Variants in MRTFA observed in about 807,000 individuals in gnomAD.
MRTFA encodes myocardin-related transcription factor A.
A neutral mutation model predicts 83.5 loss-of-function variants in MRTFA; 20 were observed. The observed-to-expected ratio is 0.24, with a 90% CI of 0.17 to 0.35. The LOEUF is 0.35. MRTFA is among the 10% of genes least tolerant of loss of function. The pLI is 1.00. For missense variants in MRTFA, 1,200 were observed against 1,224.7 expected (o/e 0.98, Z 0.30); for synonymous variants, 659 against 541.2 (o/e 1.22, Z -3.02).
chr22:40,429,413 A>G (rs1297401756), intron 7 of MRTFA, 193 bp downstream of exon 7: 1 of 719,418 alleles, frequency 1.4e-6, no homozygotes, highest in Non-Finnish European at 2.6e-6. Flanking sequence ...TTCTTAAAGC[A>G]ACAGGCACTA....
In MRTFA at chr22:40,505,493, G is replaced by C. The variant is rs1749563486; in HGVS notation, c.242-42207C>G. On this transcript the variant is annotated intron_variant, in intron 3 of 14. Coordinates refer to ENST00000355630, the MANE Select transcript of MRTFA (RefSeq NM_020831.6). ...TAACTACTTAAAGTGCCCGATACAA[G>C]AGAAGTAGTCAATACATGGTAGCTA... 2.0e-5 allele frequency among the ~76,000 whole-genome samples: 3 copies of C among 152,330 alleles called. No individual in the cohort carries two copies. In the South Asian group the frequency reaches 6.2e-4, roughly 32 times the overall value.
At chr22:40,532,844 T>C (rs2055106025) in intron 3 of MRTFA, among the ~76,000 whole-genome samples, 1 of 152,174 alleles carries the variant, frequency 6.6e-6, no homozygotes, top group African/African-American at 2.4e-5. Flanking sequence ...AGATATGCTC[T>C]GAAACAAGAA....
intron 3 of MRTFA, among the ~76,000 whole-genome samples, chr22:40,499,848 G>A (rs576666539): frequency 6.7e-6 from 1 of 148,812 alleles, no homozygotes; most frequent in South Asian, 2.1e-4. Context: ...AACCAGGTGT[G>A]ACACTTCAGC....
At chr22:40,510,316 A>G (rs892721796) in intron 3 of MRTFA, among the ~76,000 whole-genome samples, 3 of 152,188 alleles carry the variant, frequency 2.0e-5, no homozygotes, top group Non-Finnish European at 4.4e-5. Flanking sequence ...AAACTAAAGG[A>G]AAGTACATTT....
At chr22:40,548,038 T>C (rs989316215) in intron 3 of MRTFA, among the ~76,000 whole-genome samples, 5 of 151,628 alleles carry the variant, frequency 3.3e-5, no homozygotes, top group African/African-American at 1.2e-4. Context: ...CCAATTACAA[T>C]ATAGGGTGAT....
At chr22:40,586,665 A>G (rs775856420) in intron 2 of MRTFA, 11 of 217,670 alleles carry the variant, frequency 5.1e-5, no homozygotes, top group Admixed American at 1.7e-4. Context: ...AAGCTGTCCA[A>G]AATTATTTGA....
chr22:40,483,246 G>T (rs2054120142), intron 3 of MRTFA, among the ~76,000 whole-genome samples: 1 of 151,810 alleles, frequency 6.6e-6, no homozygotes, highest in Non-Finnish European at 1.5e-5. Flanking sequence ...AAATTTTTTT[G>T]TAGAGATGGG....
At chr22:40,553,859 A>C (rs1340651765) in intron 2 of MRTFA, among the ~76,000 whole-genome samples, 1 of 152,194 alleles carries the variant, frequency 6.6e-6, no homozygotes, top group Admixed American at 6.5e-5. Context: ...CAGCCCATGA[A>C]AGCAGCCAGG....
chr22:40,529,277 G>C (rs766647689), intron 3 of MRTFA, among the ~76,000 whole-genome samples: 2 of 152,128 alleles, frequency 1.3e-5, no homozygotes, highest in Non-Finnish European at 2.9e-5. Flanking sequence ...TAAGTACACA[G>C]GTATCAAGGA....
intron 3 of MRTFA, chr22:40,533,696 G>C: frequency 9.5e-7 from 1 of 1,053,160 alleles, no homozygotes; most frequent in Non-Finnish European, 1.2e-6. Flanking sequence ...AGTCACAGGA[G>C]AAAAGCTGTC....
intron 3 of MRTFA, among the ~76,000 whole-genome samples, chr22:40,502,135 G>T (rs1316860171): frequency 7.0e-6 from 1 of 143,282 alleles, no homozygotes. Context: ...CCTCCCGGAC[G>T]GGGCGGCTGG....
At chr22:40,512,370 T>A (rs905687079) in intron 3 of MRTFA, among the ~76,000 whole-genome samples, 5 of 152,210 alleles carry the variant, frequency 3.3e-5, no homozygotes, top group African/African-American at 1.2e-4. Context: ...TCAATTTTGG[T>A]AATATAAAGA....
At chr22:40,623,720 C>G (rs2056549589) in intron 1 of MRTFA, among the ~76,000 whole-genome samples, 1 of 152,070 alleles carries the variant, frequency 6.6e-6, no homozygotes, top group Non-Finnish European at 1.5e-5. Flanking sequence ...TTTTTGAGTA[C>G]TATGAAAATT....
chr22:40,518,795 CAAAAAA>C (rs879690699), intron 3 of MRTFA, among the ~76,000 whole-genome samples: 4 of 68,144 alleles, frequency 5.9e-5, no homozygotes, highest in Admixed American at 1.9e-4. Flanking sequence ...ACTCTGTCTC[CAAAAAA>C]AAAAAAAAAA....
Position 40,424,200 on chromosome 22 carries a change from A to T in MRTFA, c.777+6T>A. On this transcript the variant is annotated splice_donor_region_variant and intron_variant, in intron 8 of 14. Transcript: ENST00000355630. ...GCTGGGGAAGCATCTGGAAGCACAC[A>T]CTCACCTGGGTGGGGGATGCAGAGG... is the stretch of plus-strand genomic sequence containing the variant. 6.3e-7 allele frequency: 1 copy of T among 1,587,830 alleles called. No individual in the cohort carries two copies. Among genetic ancestry groups the T allele is most frequent in the Non-Finnish European group, 8.5e-7 (1 of 1,169,742 alleles).
intron 2 of MRTFA, among the ~76,000 whole-genome samples, chr22:40,553,904 A>AGG (rs1191392431): frequency 6.6e-6 from 1 of 152,238 alleles, no homozygotes; most frequent in East Asian, 1.9e-4. Flanking sequence ...ACAGAGGCAG[A>AGG]GCTGCTCAAG....
At chr22:40,490,858 T>G (rs994627721) in intron 3 of MRTFA, among the ~76,000 whole-genome samples, 1 of 152,206 alleles carries the variant, frequency 6.6e-6, no homozygotes, top group South Asian at 2.1e-4. Flanking sequence ...GTTTCCAAGA[T>G]AGGAGAAGAA....
intron 2 of MRTFA, chr22:40,587,832 A>AT (rs1006000714): frequency 1.6e-5 from 6 of 369,042 alleles, no homozygotes; most frequent in African/African-American, 1.1e-4. Context: ...CGACCTGCTA[A>AT]TTCACTAACA....
intron 2 of MRTFA, among the ~76,000 whole-genome samples, chr22:40,555,315 AG>A (rs1363604873): frequency 6.6e-6 from 1 of 152,182 alleles, no homozygotes; most frequent in African/African-American, 2.4e-5. Context: ...CCAGTGTTGG[AG>A]GCAGGGCCTG....
Sources: allele counts gnomAD v4.1 joint callset (sites outside exome capture counted in the v4.1 genomes callset), GRCh38; gene constraint gnomAD v4.1.1; transcripts MANE v1.5; gene names NCBI Gene and HGNC (gene_info 2026-07-23, HGNC 2026-07-21).